The following FANCM variants were observed in gnomAD, a reference collection of about 807,000 sequenced individuals.
FANCM encodes the protein FA complementation group M, also known as Fanconi anemia group M protein.
In FANCM, 140 loss-of-function variants were observed where a neutral mutation model predicts 199.5. That is an observed-to-expected ratio of 0.70 (90% confidence interval 0.61 to 0.81). The LOEUF is 0.81. FANCM is among the 30% of genes least tolerant of loss of function. FANCM has a pLI of 0.00. For synonymous variants in FANCM, 840 were observed against 836.8 expected (o/e 1.00, Z -0.07); for missense variants, 2,410 against 2,421.4 (o/e 1.00, Z 0.10).
In FANCM at chr14:45,176,906, A is replaced by T; in HGVS notation, c.4152A>T (p.Ser1384=). The T allele has an allele frequency of 6.2e-7, 1 of 1,611,946 alleles. No homozygotes were observed. The highest frequency in any genetic ancestry group is 8.5e-7 in the Non-Finnish European group (1 of 1,178,500). Residue 1384 remains serine (S), a synonymous_variant, in exon 14 of 23, where the codon TCA becomes TCT. Transcript: ENST00000267430. ...CATTGAATTCAACTTTTGATTATTC[A>T]GAATTTTCTCTAGAAAAGTCTAAAA... The part of the protein sequence containing the change: ...KEALNSTFDY[S]EFSLEKSKSS...
intron 3 of FANCM, among the ~76,000 whole-genome samples, chr14:45,144,537 T>C (rs540563575): frequency 2.6e-5 from 4 of 152,324 alleles, no homozygotes; most frequent in Admixed American, 2.6e-4. Flanking sequence ...CTACTGCAGC[T>C]AAGCTTGCAC....
chr14:45,196,861 A>G (rs1594482500), intron 21 of FANCM, among the ~76,000 whole-genome samples: 1 of 152,206 alleles, frequency 6.6e-6, no homozygotes, highest in East Asian at 1.9e-4. Context: ...GAGATGTTTA[A>G]GGAGTCAGGA....
intron 18 of FANCM, 151 bp from the exon 19 acceptor site, chr14:45,187,630 T>A: frequency 1.8e-6 from 1 of 548,060 alleles, no homozygotes; most frequent in Non-Finnish European, 3.3e-6. Context: ...GAATAATTGT[T>A]TATAGATATC....
intron 4 of FANCM, among the ~76,000 whole-genome samples, chr14:45,150,355 A>G (rs1007016859): frequency 3.9e-5 from 6 of 152,248 alleles, no homozygotes; most frequent in African/African-American, 1.4e-4. Context: ...TCTTATAATC[A>G]TATACAAATG....
intron 19 of FANCM, 85 bp from the exon 20 acceptor site, chr14:45,188,717 C>T: frequency 1.0e-6 from 1 of 975,190 alleles, no homozygotes. Context: ...AATATTAATG[C>T]AGATTTCATG....
At chr14:45,187,518 C>T (rs1327174491) in intron 18 of FANCM, among the ~76,000 whole-genome samples, 2 of 151,980 alleles carry the variant, frequency 1.3e-5, no homozygotes, top group Non-Finnish European at 2.9e-5. Context: ...CATTTTAATC[C>T]TCATTTTCAG....
At chr14:45,185,697 A>G (rs1044033644) in intron 18 of FANCM, among the ~76,000 whole-genome samples, 32 of 152,300 alleles carry the variant, frequency 2.1e-4, no homozygotes, top group Middle Eastern at 6.8e-3. Flanking sequence ...TGAATGAACA[A>G]AATAGACAAA....
chr14:45,142,110 C>T (rs187480801), intron 3 of FANCM, among the ~76,000 whole-genome samples: 5 of 152,132 alleles, frequency 3.3e-5, no homozygotes, highest in African/African-American at 7.2e-5. Context: ...CTAATGTTAA[C>T]GTATCATATA....
chr14:45,145,555 C>T (rs957262035), intron 3 of FANCM, among the ~76,000 whole-genome samples: 4 of 152,184 alleles, frequency 2.6e-5, no homozygotes, highest in Admixed American at 2.6e-4. Flanking sequence ...ACTCTCCTTC[C>T]CCCAGGTTCT....
chr14:45,188,934 A>ATT lies in FANCM; in HGVS notation c.4912_4913insTT (p.Ser1638IlefsTer11). 1 of 1,614,032 alleles carries ATT rather than the reference A, an allele frequency of 6.2e-7. No individual in the cohort carries two copies. Among genetic ancestry groups the ATT allele is most frequent in the South Asian group, 1.1e-5 (1 of 91,050 alleles). On this transcript the variant is annotated frameshift_variant, in exon 20 of 23. Coordinates refer to ENST00000267430, the MANE Select transcript of FANCM (RefSeq NM_020937.4). LOFTEE classifies it high-confidence loss of function. ...AATAACTGATGATTGCTTTGCAAAT[A>ATT]GTAAAAAGTATAAAACTCGACGTGC...
chr14:45,173,028 A>G lies in FANCM; in HGVS notation c.2161-27A>G, dbSNP rs1888438711. ...TGTGAAATCTCAGTATGTTTTCATC[A>G]TTTTTATTACTTTTTAAATAATTAA... On this transcript the variant is annotated intron_variant, in intron 12 of 22. Coordinates refer to ENST00000267430, the MANE Select transcript of FANCM (RefSeq NM_020937.4). 2.6e-6 allele frequency: 4 copies of G among 1,537,432 alleles called. No homozygotes were observed. The Admixed American group carries it at 6.7e-5, about 26-fold the overall frequency.
In FANCM at chr14:45,136,462, A is replaced by G. The variant is rs1399481647; in HGVS notation, c.431A>G (p.Lys144Arg). 6.2e-7 allele frequency: 1 copy of G among 1,614,040 alleles called. No individual in the cohort carries two copies. Among genetic ancestry groups the G allele is most frequent in the East Asian group, 2.2e-5 (1 of 44,892 alleles). Reference sequence around the variant, plus strand: ...AAGGTGGTCTTCATGGCCCCAACGAAACCCTTGGTGACACAGCAGATCGAG... The same window carrying G: ...AAGGTGGTCTTCATGGCCCCAACGAGACCCTTGGTGACACAGCAGATCGAG... The part of the protein sequence containing the change: ...SGKVVFMAPT[K>R]PLVTQQIEAC... Residue 144 changes from lysine (K) to arginine (R), a missense_variant, in exon 1 of 23, where the codon AAA becomes AGA. Transcript: ENST00000267430.
intron 22 of FANCM, 41 bp from the exon 23 acceptor site, chr14:45,199,828 CA>C: frequency 1.3e-6 from 2 of 1,597,540 alleles, no homozygotes; most frequent in Admixed American, 1.7e-5. Flanking sequence ...TTATAAAAGC[CA>C]AAAGTCCTAG....
chr14:45,192,921 G>A (rs1889854677), intron 20 of FANCM, among the ~76,000 whole-genome samples: 1 of 152,190 alleles, frequency 6.6e-6, no homozygotes, highest in African/African-American at 2.4e-5. Flanking sequence ...CCTGGGAGTT[G>A]TAGACACAGT....
chr14:45,140,449 A>G (rs1420566332), intron 2 of FANCM, among the ~76,000 whole-genome samples, 183 bp from the exon 3 acceptor site: 5 of 152,238 alleles, frequency 3.3e-5, no homozygotes, highest in Admixed American at 6.5e-5. Context: ...CTTGATCAGC[A>G]TAGAGAATAA....
intron 2 of FANCM, among the ~76,000 whole-genome samples, chr14:45,139,812 A>T (rs1885781140): frequency 6.6e-6 from 1 of 152,008 alleles, no homozygotes; most frequent in Non-Finnish European, 1.5e-5. Context: ...CCTCTACAGA[A>T]AGTGAAAAAA....
At chr14:45,159,462 C>CT (rs35901429) in intron 9 of FANCM, among the ~76,000 whole-genome samples, 182 bp downstream of exon 9, 116 of 144,966 alleles carry the variant, frequency 8.0e-4, no homozygotes, top group African/African-American at 1.2e-3. Context: ...GGTTTTGGAA[C>CT]TTTTTTTTTT....
intron 14 of FANCM, among the ~76,000 whole-genome samples, chr14:45,177,834 G>T (rs1888812471): frequency 6.6e-6 from 1 of 152,202 alleles, no homozygotes; most frequent in South Asian, 2.1e-4. Context: ...GATTTTGGGA[G>T]ATAGTTTGAA....
At chr14:45,143,981 C>T (rs1227473561) in intron 3 of FANCM, among the ~76,000 whole-genome samples, 1 of 152,156 alleles carries the variant, frequency 6.6e-6, no homozygotes, top group African/African-American at 2.4e-5. Flanking sequence ...CGTGAGCCAC[C>T]ACGCCCGGCT....
Sources: allele counts gnomAD v4.1 joint callset (sites outside exome capture counted in the v4.1 genomes callset), GRCh38; gene constraint gnomAD v4.1.1; transcripts MANE v1.5; gene names NCBI Gene and HGNC (gene_info 2026-07-23, HGNC 2026-07-21).